The following PRPSAP1 variants were observed in gnomAD, a reference collection of about 807,000 sequenced individuals.
PRPSAP1 encodes the protein phosphoribosyl pyrophosphate synthetase associated protein 1, also known as phosphoribosyl pyrophosphate synthase-associated protein 1.
A neutral mutation model predicts 39.4 loss-of-function variants in PRPSAP1; 31 were observed. The ratio of observed to expected loss-of-function variants is 0.79; its 90% CI spans 0.59 to 1.06. The LOEUF (loss-of-function observed/expected upper bound fraction) is 1.06. PRPSAP1 is among the 50% of genes least tolerant of loss of function. The probability of loss-of-function intolerance (pLI) is 0.00; values close to 1 mark genes in which losing one functional copy is unlikely to be tolerated. For missense variants in PRPSAP1, 430 were observed against 511.6 expected (o/e 0.84, Z 1.54); for synonymous variants, 212 against 192.6 (o/e 1.10, Z -0.83).
intron 3 of PRPSAP1, among the ~76,000 whole-genome samples, chr17:76,334,118 T>C (rs1033891454): frequency 6.6e-6 from 1 of 152,190 alleles, no homozygotes; most frequent in Non-Finnish European, 1.5e-5. Flanking sequence ...CAGTATTCAC[T>C]TCTCACATTA....
intron 7 of PRPSAP1, among the ~76,000 whole-genome samples, chr17:76,325,966 A>G (rs1305520384): frequency 6.6e-6 from 1 of 152,170 alleles, no homozygotes; most frequent in Non-Finnish European, 1.5e-5. Context: ...ATTGGTTTTT[A>G]GACACAATGA....
intron 7 of PRPSAP1, among the ~76,000 whole-genome samples, chr17:76,317,368 A>T (rs1388346035): frequency 6.6e-6 from 1 of 151,872 alleles, no homozygotes; most frequent in East Asian, 1.9e-4. Flanking sequence ...AAGAAAAAAA[A>T]AAATCAACAG....
intron 7 of PRPSAP1, among the ~76,000 whole-genome samples, chr17:76,320,983 A>G (rs1370334813): frequency 2.6e-5 from 4 of 151,544 alleles, no homozygotes; most frequent in Admixed American, 6.6e-5. Flanking sequence ...AGGTTTCACC[A>G]TGTTGCCCAG....
intron 3 of PRPSAP1, among the ~76,000 whole-genome samples, chr17:76,343,192 G>A (rs550182981): frequency 2.6e-5 from 4 of 152,334 alleles, no homozygotes; most frequent in African/African-American, 9.6e-5. Flanking sequence ...AGGACATGAA[G>A]GTCTGGATTT....
At chr17:76,331,461 T>C (rs2071321652) in intron 4 of PRPSAP1, among the ~76,000 whole-genome samples, 1 of 152,250 alleles carries the variant, frequency 6.6e-6, no homozygotes, top group Non-Finnish European at 1.5e-5. Flanking sequence ...ATGAAACTTT[T>C]TTCTCATCAT....
intron 9 of PRPSAP1, 44 bp from the exon 10 acceptor site, chr17:76,311,744 G>A (rs762946596): frequency 6.9e-6 from 11 of 1,583,904 alleles, no homozygotes; most frequent in Non-Finnish European, 9.4e-6. Context: ...ACTGAAGTCT[G>A]TTCTCCAAGC....
chr17:76,343,556 G>C (rs993589038), intron 3 of PRPSAP1, among the ~76,000 whole-genome samples: 8 of 152,180 alleles, frequency 5.3e-5, no homozygotes, highest in Non-Finnish European at 1.2e-4. Context: ...TTTAAAGCTT[G>C]GGGAGTGGTG....
chr17:76,344,805 C>CAA, intron 2 of PRPSAP1, 68 bp from the exon 3 acceptor site: 2 of 1,272,028 alleles, frequency 1.6e-6, no homozygotes, highest in Non-Finnish European at 2.2e-6. Context: ...AAAAGAAAAA[C>CAA]AAAAGTACTT....
Position 76,353,854 on chromosome 17 carries a change from C to G in PRPSAP1, c.-151G>C, listed in dbSNP as rs2071612348. On this transcript the variant is annotated 5_prime_UTR_variant, in exon 1 of 10. Transcript: ENST00000446526. Reference sequence around the variant, plus strand: ...GAGGTCCGTGCCCTTGCGCACCCCACACCACTGACTACAGCGGCCGAGCCT... The same window carrying G: ...GAGGTCCGTGCCCTTGCGCACCCCAGACCACTGACTACAGCGGCCGAGCCT... 1.5e-6 allele frequency: 2 copies of G among 1,365,146 alleles called. No homozygotes were observed. The highest frequency in any genetic ancestry group is 1.5e-5 in the African/African-American group (1 of 64,898). 84.6% of individuals were successfully genotyped at this position (1,365,146 alleles called of 1,614,324 possible).
At chr17:76,313,460 C>T in intron 8 of PRPSAP1, 1 of 281,568 alleles carries the variant, frequency 3.6e-6, no homozygotes, top group Non-Finnish European at 6.7e-6. Context: ...AACGAGTCTG[C>T]ACGGGGACAC....
In PRPSAP1 at chr17:76,327,699, T is replaced by C. The variant is rs1469666138; in HGVS notation, c.781+1018A>G. On this transcript the variant is annotated intron_variant, in intron 7 of 9. Transcript: ENST00000446526. ...TAAAAGTTACCTGATCCCCAAAGCC[T>C]GGTATTTGATCAACAGCTGTCACCC... Among the ~76,000 whole-genome samples, 4 of 152,136 alleles carry C rather than the reference T, an allele frequency of 2.6e-5. No individual in the cohort carries two copies. In the East Asian group the frequency reaches 7.7e-4, roughly 29 times the overall value.
chr17:76,340,446 C>A (rs1302605182), intron 3 of PRPSAP1, among the ~76,000 whole-genome samples: 1 of 151,776 alleles, frequency 6.6e-6, no homozygotes, highest in African/African-American at 2.4e-5. Flanking sequence ...TCTTTACTAC[C>A]CCCAGCATCA....
intron 7 of PRPSAP1, among the ~76,000 whole-genome samples, chr17:76,325,827 C>T (rs376930404): frequency 6.6e-6 from 1 of 151,916 alleles, no homozygotes; most frequent in Non-Finnish European, 1.5e-5. Context: ...AGGACGGTCT[C>T]GATCTCCTGA....
intron 2 of PRPSAP1, among the ~76,000 whole-genome samples, chr17:76,345,042 T>C (rs550861779): frequency 4.0e-4 from 61 of 151,990 alleles, no homozygotes; most frequent in Non-Finnish European, 7.1e-4. Context: ...GAGACCATCC[T>C]GGCTAACACA....
intron 7 of PRPSAP1, among the ~76,000 whole-genome samples, chr17:76,319,860 C>T (rs1039155841): frequency 3.9e-5 from 6 of 152,110 alleles, no homozygotes; most frequent in African/African-American, 1.2e-4. Flanking sequence ...GAACACGGGG[C>T]GTGGTTATAG....
At chr17:76,328,329 T>C (rs1053937887) in intron 7 of PRPSAP1, among the ~76,000 whole-genome samples, 1 of 152,234 alleles carries the variant, frequency 6.6e-6, no homozygotes, top group East Asian at 1.9e-4. Context: ...CAGTGGCTCA[T>C]GCCTGTAATC....
chr17:76,313,379 A>T, intron 8 of PRPSAP1: 1 of 234,640 alleles, frequency 4.3e-6, no homozygotes, highest in Non-Finnish European at 8.3e-6. Context: ...AAAGTGTGCT[A>T]CTGCAAAGGA....
At chr17:76,329,999 G>A (rs375162743) in intron 6 of PRPSAP1, 44 bp downstream of exon 6, 34 of 1,571,606 alleles carry the variant, frequency 2.2e-5, no homozygotes, top group Admixed American at 8.6e-5. Context: ...TTCTGACTTC[G>A]GGAGCACTCA....
At chr17:76,323,818 G>C (rs968651128) in intron 7 of PRPSAP1, among the ~76,000 whole-genome samples, 3 of 151,982 alleles carry the variant, frequency 2.0e-5, no homozygotes, top group African/African-American at 4.8e-5. Context: ...ATAACACAGT[G>C]GCAGGGTTTG....
Sources: allele counts gnomAD v4.1 joint callset (sites outside exome capture counted in the v4.1 genomes callset), GRCh38; gene constraint gnomAD v4.1.1; transcripts MANE v1.5; gene names NCBI Gene and HGNC (gene_info 2026-07-23, HGNC 2026-07-21).